KYAT1: variants seen among roughly 807,000 people sequenced by gnomAD.
The protein encoded by KYAT1 is kynurenine--oxoglutarate transaminase 1.
A neutral mutation model predicts 52.4 loss-of-function variants in KYAT1; 47 were observed. The ratio of observed to expected loss-of-function variants is 0.90; its 90% CI spans 0.71 to 1.14. The LOEUF (loss-of-function observed/expected upper bound fraction) is 1.14. Ranked by LOEUF, KYAT1 falls within the 50% of genes most tolerant of loss-of-function variation. KYAT1 has a pLI of 0.00. For missense variants in KYAT1, 480 were observed against 557.9 expected (o/e 0.86, Z 1.41); for synonymous variants, 212 against 209.6 (o/e 1.01, Z -0.10).
intron 1 of KYAT1, among the ~76,000 whole-genome samples, chr9:128,863,978 GCTC>G (rs950555025): frequency 4.2e-4 from 64 of 152,226 alleles, no homozygotes; most frequent in African/African-American, 1.4e-3. Context: ...TCCCTAGTCA[GCTC>G]CTCAACAGCC....
chr9:128,865,330 TATATATATATATATA>T (rs1564491452), intron 1 of KYAT1, among the ~76,000 whole-genome samples: 76 of 2,464 alleles, frequency 0.031, 13 homozygotes, highest in African/African-American at 0.061. Context: ...TATATATATA[TATATATATATATATA>T]TATATATATA....
At chr9:128,871,110 A>T (rs1486633521) in intron 1 of KYAT1, among the ~76,000 whole-genome samples, 1 of 152,110 alleles carries the variant, frequency 6.6e-6, no homozygotes, top group Non-Finnish European at 1.5e-5. Flanking sequence ...TGAGCTCAGG[A>T]GTTCGAGATC....
rs371853430 is a variant in KYAT1, at chr9:128,836,901, C to T, written c.589G>A (p.Glu197Lys). The T allele has an allele frequency of 1.7e-5, 28 of 1,613,198 alleles. No homozygotes were observed. The highest frequency in any genetic ancestry group is 2.3e-5 in the Non-Finnish European group (27 of 1,179,914). The change falls in exon 7 of 13, where the codon GAG becomes AAG. Residue 197 changes from glutamate (E) to lysine (K), a missense_variant. By Grantham distance (56) the Glu-to-Lys change is moderately conservative. Coordinates refer to ENST00000302586, the MANE Select transcript of KYAT1 (RefSeq NM_004059.5). ...LGKVFSREEL[E>K]LVASLCQQHD... is the part of the protein sequence containing the mutation. The stretch of plus-strand genomic sequence containing the variant: ...TGCTGGCAAAGGCTGGCCACCAGCT[C>T]CAGCTCTTCCCTGGAGAACACCTGC...
At chr9:128,868,627 CAT>C (rs1836756147) in intron 1 of KYAT1, among the ~76,000 whole-genome samples, 2 of 151,938 alleles carry the variant, frequency 1.3e-5, no homozygotes, top group African/African-American at 2.4e-5. Context: ...GCCTTGTTCT[CAT>C]AGAGTCAAGC....
chr9:128,880,460 T>A (rs1050190000), intron 1 of KYAT1, among the ~76,000 whole-genome samples: 1 of 150,478 alleles, frequency 6.6e-6, no homozygotes, highest in Admixed American at 6.6e-5. Context: ...TTTTTTTTTT[T>A]AGACGGAGTC....
chr9:128,834,994 C>T (rs757808769), intron 11 of KYAT1, among the ~76,000 whole-genome samples: 11 of 151,546 alleles, frequency 7.3e-5, no homozygotes, highest in South Asian at 2.1e-4. Flanking sequence ...AAAAATTAGC[C>T]GGGCAAAAAA....
intron 1 of KYAT1, among the ~76,000 whole-genome samples, chr9:128,880,719 G>C (rs1014539762): frequency 1.3e-5 from 2 of 152,066 alleles, no homozygotes; most frequent in African/African-American, 4.8e-5. Context: ...TGGGATTACA[G>C]GTGTGAACCA....
At chr9:128,857,127 C>A (rs1834743607) in intron 1 of KYAT1, among the ~76,000 whole-genome samples, 1 of 152,242 alleles carries the variant, frequency 6.6e-6, no homozygotes, top group East Asian at 1.9e-4. Context: ...AAACATAAAT[C>A]CGGCCTACGT....
intron 1 of KYAT1, among the ~76,000 whole-genome samples, chr9:128,848,621 C>G (rs992332347): frequency 6.6e-6 from 1 of 151,620 alleles, no homozygotes; most frequent in African/African-American, 2.4e-5. Context: ...AGTTTGTGAC[C>G]AGCCTGGCCA....
chr9:128,852,489 A>G (rs955326812), intron 1 of KYAT1, among the ~76,000 whole-genome samples: 2 of 152,228 alleles, frequency 1.3e-5, no homozygotes, highest in African/African-American at 4.8e-5. Context: ...CCAGTTAGAG[A>G]CAAGTTTTCA....
rs1831208283 is a variant in KYAT1, at chr9:128,836,807, C to T, written c.683G>A (p.Ser228Asn). 3 of 1,613,356 alleles carry T rather than the reference C, an allele frequency of 1.9e-6. No individual in the cohort carries two copies. The highest frequency in any genetic ancestry group is 2.5e-6 in the Non-Finnish European group (3 of 1,179,740). ...CCCAGGCTGGCTTGGCTCACCAATG[C>T]TGATGTGCTGGTGCCCGTCGTAGAC... ...WMVYDGHQHI[S>N]IASLPGMWER... The change falls in exon 7 of 13, where the codon AGC becomes AAC. Residue 228 changes from serine to asparagine, a missense_variant. Ser to Asn is a conservative substitution (Grantham distance 46). Transcript: ENST00000302586.
At chr9:128,849,829 T>C (rs1404239552) in intron 1 of KYAT1, among the ~76,000 whole-genome samples, 1 of 146,170 alleles carries the variant, frequency 6.8e-6, no homozygotes, top group Non-Finnish European at 1.5e-5. Context: ...AAGAAAAGAA[T>C]GAATTTGGAC....
At chr9:128,848,409 C>T (rs186028880) in intron 1 of KYAT1, among the ~76,000 whole-genome samples, 1 of 146,770 alleles carries the variant, frequency 6.8e-6, no homozygotes, top group African/African-American at 2.5e-5. Flanking sequence ...TTAATGCAAA[C>T]ATACAGGAAC....
At chr9:128,853,212 G>GACCAATA in intron 1 of KYAT1, among the ~76,000 whole-genome samples, 1 of 152,288 alleles carries the variant, frequency 6.6e-6, no homozygotes, top group East Asian at 1.9e-4. Context: ...TGGTCTTGCT[G>GACCAATA]ATTTTGTGGG....
At chr9:128,865,299 C>A (rs1836055725) in intron 1 of KYAT1, among the ~76,000 whole-genome samples, 2 of 112,152 alleles carry the variant, frequency 1.8e-5, no homozygotes, top group African/African-American at 4.6e-5. Flanking sequence ...TAACAAGTAG[C>A]AGAGCCTACA....
chr9:128,841,525 TA>T (rs1274293278), intron 3 of KYAT1, among the ~76,000 whole-genome samples: 10 of 140,508 alleles, frequency 7.1e-5, no homozygotes, highest in Non-Finnish European at 7.8e-5. Flanking sequence ...GAGACTGTCT[TA>T]AAAAAAAAAC....
chr9:128,848,027 C>T (rs1215428583), intron 1 of KYAT1, among the ~76,000 whole-genome samples: 1 of 152,070 alleles, frequency 6.6e-6, no homozygotes, highest in African/African-American at 2.4e-5. Context: ...GAGATGCAAT[C>T]AACAAATTCA....
intron 1 of KYAT1, among the ~76,000 whole-genome samples, chr9:128,857,697 G>T (rs1485201273): frequency 1.3e-5 from 2 of 152,138 alleles, no homozygotes; most frequent in African/African-American, 4.8e-5. Flanking sequence ...TTAGCTGGGC[G>T]TGGTGGTGGG....
chr9:128,838,513 T>C (rs1426962556), intron 3 of KYAT1, 146 bp from the exon 4 acceptor site: 1 of 804,018 alleles, frequency 1.2e-6, no homozygotes, highest in South Asian at 1.7e-5. Flanking sequence ...GGACGTGGAA[T>C]AGATCAGCTT....
Sources: gnomAD v4.1 joint callset for allele counts (sites outside exome capture counted in the v4.1 genomes callset) on GRCh38, gnomAD v4.1.1 for gene constraint, MANE v1.5 for transcripts, NCBI Gene and HGNC (gene_info 2026-07-23, HGNC 2026-07-21) for gene names.